The following VILL variants were observed in gnomAD, a reference collection of about 807,000 sequenced individuals.
VILL encodes the protein villin-like protein.
In VILL, 102 loss-of-function variants were observed where a neutral mutation model predicts 106.3. The observed-to-expected ratio is 0.96, with a 90% CI of 0.82 to 1.13. The LOEUF is 1.13. Among genes scored for constraint, VILL ranks in the 50% most tolerant of loss-of-function variants. VILL has a pLI of 0.00. For synonymous variants in VILL, 431 were observed against 440.3 expected, an observed-to-expected ratio of 0.98 and a Z score of 0.27; for missense variants, 1,076 against 1,116.6, an observed-to-expected ratio of 0.96 and a Z score of 0.52.
Position 37,993,732 on chromosome 3 carries a change from G to A in VILL, c.60G>A (p.Glu20=). Residue 20 remains glutamate, a splice_region_variant and synonymous_variant, in exon 2 of 20, where the codon GAG becomes GAA. Transcript: ENST00000383759. ...GAGGCCTCCACATATGGATCTCTGA[G>A]GTGAGAGGCACGACCAAATAGGAGA... ...MQGGLHIWIS[E]NRKMVPVPEG... is the part of the protein sequence containing the mutation. 6.2e-7 allele frequency: 1 copy of A among 1,614,066 alleles called. No individual in the cohort carries two copies. Among genetic ancestry groups the A allele is most frequent in the Non-Finnish European group, 8.5e-7 (1 of 1,179,984 alleles).
chr3:38,005,858 C>G lies in VILL; in HGVS notation c.2017C>G (p.Leu673Val). ...GGCGGTGGCCTGGGGCCAGGAGTAC[C>G]TGAAGACTCACCCAGCAGGGAGGAG... Reference protein sequence around the residue: ...KEAVAWGQEYLKTHPAGRSPA... With the variant: ...KEAVAWGQEYVKTHPAGRSPA... Residue 673 changes from leucine (L) to valine (V), a missense_variant, in exon 17 of 20, where the codon CTG becomes GTG. By Grantham distance (32) the Leu-to-Val change is conservative. Coordinates refer to ENST00000383759, the MANE Select transcript of VILL (RefSeq NM_015873.4). 6.2e-7 allele frequency: 1 copy of G among 1,614,076 alleles called. No individual in the cohort carries two copies. Among genetic ancestry groups the G allele is most frequent in the South Asian group, 1.1e-5 (1 of 91,078 alleles).
chr3:37,991,068 C>T (rs948924336), intron 1 of VILL: 5 of 152,266 alleles, frequency 3.3e-5, no homozygotes, highest in African/African-American at 1.2e-4. Flanking sequence ...CAGGGAAGTC[C>T]GTGGCCCACA....
In VILL at chr3:38,001,820, A is replaced by G. The variant is rs752907058; in HGVS notation, c.1439A>G (p.His480Arg). 1.1e-5 allele frequency: 18 copies of G among 1,614,148 alleles called. No individual in the cohort carries two copies. In the South Asian group the frequency reaches 1.9e-4, roughly 17 times the overall value. The change falls in exon 13 of 20, where the codon CAC becomes CGC. Residue 480 changes from histidine to arginine, a missense_variant. His to Arg is a conservative substitution (Grantham distance 29, BLOSUM62 0). Transcript: ENST00000383759. ...GTGACCATGGGCAGCGAGCCCCCCCACTTCCTCGCCATCTTCCAGGGCCAG... is the reference window on the plus strand; with the variant it reads ...GTGACCATGGGCAGCGAGCCCCCCCGCTTCCTCGCCATCTTCCAGGGCCAG... ...EHVTMGSEPP[H>R]FLAIFQGQLV...
At position 38,006,418 on chromosome 3, in the gene VILL, C is replaced by G. The variant is rs202017243; in HGVS notation, c.2206-31C>G. 2.5e-6 allele frequency: 4 copies of G among 1,579,594 alleles called. No homozygotes were observed. The Admixed American group carries it at 6.9e-5, about 27-fold the overall frequency. On this transcript the variant is annotated intron_variant, in intron 18 of 19. Coordinates refer to ENST00000383759, the MANE Select transcript of VILL (RefSeq NM_015873.4). ...TCCCTGTGGGCTACTGATTCCCCAT[C>G]TTCCCCAGCCTGAGGCTCCTCTCTG...
intron 1 of VILL, 186 bp from the exon 2 acceptor site, chr3:37,993,401 C>T (rs949350033): frequency 2.1e-6 from 1 of 479,924 alleles, no homozygotes; most frequent in Non-Finnish European, 3.8e-6. Context: ...GCTAGGGTGG[C>T]AGAGCAAGAC....
At position 38,001,488 on chromosome 3, in the gene VILL, C is replaced by G. The variant is rs199699027; in HGVS notation, c.1215C>G (p.Pro405=). 1.2e-6 allele frequency: 2 copies of G among 1,614,206 alleles called. No individual in the cohort carries two copies. The highest frequency in any genetic ancestry group is 3.3e-5 in the Admixed American group (2 of 60,024). ...VWCIQDLHRQ[P]VDPKRHGQLC... ...GCATCCAGGACTTACACAGGCAGCC[C>G]GTGGACCCCAAGCGTCATGGACAGC... is the stretch of plus-strand genomic sequence containing the variant. The change falls in exon 12 of 20, where the codon CCC becomes CCG. Residue 405 remains proline, a synonymous_variant. Transcript: ENST00000383759.
chr3:37,993,524 CTGTG>C lies in VILL; in HGVS notation c.-86-60_-86-57del, dbSNP rs1575333130. 9 of 679,312 alleles carry C rather than the reference CTGTG, an allele frequency of 1.3e-5. No individual in the cohort carries two copies. In the East Asian group the frequency reaches 2.5e-4, roughly 19 times the overall value. 42.1% of individuals were successfully genotyped at this position (679,312 alleles called of 1,614,324 possible). A position where few individuals can be genotyped will look rare whatever the true frequency, so the allele number is the denominator to read the frequency against. ...GCTGCAGAATCTGAGTCTTCATAGT[CTGTG>C]TGCTGACATTTGTGTGTTTACAGAG... is the stretch of plus-strand genomic sequence containing the variant. On this transcript the variant is annotated intron_variant, in intron 1 of 19. Transcript: ENST00000383759.
chr3:38,005,569 AAAT>A (rs946161075), intron 16 of VILL, among the ~76,000 whole-genome samples: 1 of 152,174 alleles, frequency 6.6e-6, no homozygotes, highest in Non-Finnish European at 1.5e-5. Context: ...AAGAAAAAAA[AAAT>A]GTGTGGATTG....
rs1476375285 is a variant in VILL at position 37,998,760 on chromosome 3, G to T, written c.943-152G>T. The T allele has an allele frequency of 3.7e-6, 5 of 1,352,852 alleles. No individual in the cohort carries two copies. In the East Asian group the frequency reaches 1.3e-4, roughly 36 times the overall value. The allele number at this position is 1,352,852 out of a possible 1,614,324, so 83.8% of individuals were successfully genotyped here. ...TGCCCTCAGGGACCTCAGAGAAGTCGGTGGTGACAGAGTCAATTCGCTAAG... is the reference window on the plus strand; with the variant it reads ...TGCCCTCAGGGACCTCAGAGAAGTCTGTGGTGACAGAGTCAATTCGCTAAG... On this transcript the variant is annotated intron_variant, in intron 9 of 19. Coordinates refer to ENST00000383759, the MANE Select transcript of VILL (RefSeq NM_015873.4). This position sits in a 1 kb window ranked among gnomAD's most constrained non-coding sequence, Gnocchi z 4.1.
chr3:38,003,344 C>G (rs896355973), intron 15 of VILL, 31 bp downstream of exon 15: 1 of 1,570,234 alleles, frequency 6.4e-7, no homozygotes, highest in African/African-American at 1.3e-5. Flanking sequence ...GTGTTCTTAC[C>G]CAGAGGAGGA....
At chr3:37,995,637 C>A (rs1181328183) in intron 4 of VILL, 102 bp from the exon 5 acceptor site, 1 of 905,946 alleles carries the variant, frequency 1.1e-6, no homozygotes, top group Non-Finnish European at 1.8e-6. Flanking sequence ...ATGAAGCAGG[C>A]ACATACGTGC....
In VILL at chr3:38,003,327, GA is replaced by G. The variant is rs1559367488; in HGVS notation, c.1805+15del. ...CAGCAACAAGAGGTAACAGGGTTGG[GA>G]GGAGAGTGTTCTTACCCAGAGGAGG... On this transcript the variant is annotated intron_variant, in intron 15 of 19. Transcript: ENST00000383759. 4 of 1,595,574 alleles carry G rather than the reference GA, an allele frequency of 2.5e-6. No individual in the cohort carries two copies. The highest frequency in any genetic ancestry group is 3.4e-6 in the Non-Finnish European group (4 of 1,172,392).
In VILL at chr3:38,006,409, A is replaced by G. The variant is rs1311815393; in HGVS notation, c.2206-40A>G. ...AGTGCAGCCTCCCTGTGGGCTACTGATTCCCCATCTTCCCCAGCCTGAGGC... is the reference window on the plus strand; with the variant it reads ...AGTGCAGCCTCCCTGTGGGCTACTGGTTCCCCATCTTCCCCAGCCTGAGGC... On this transcript the variant is annotated intron_variant, in intron 18 of 19. Transcript: ENST00000383759. 5 of 1,579,868 alleles carry G rather than the reference A, an allele frequency of 3.2e-6. No homozygotes were observed. The South Asian group carries it at 5.8e-5, about 18-fold the overall frequency.
At chr3:37,989,940 C>G (rs947908139), upstream of VILL, among the ~76,000 whole-genome samples, 2 of 152,232 alleles carry the variant, frequency 1.3e-5, no homozygotes, top group African/African-American at 4.8e-5. Flanking sequence ...CCCAAGTCCC[C>G]AGACCCCTGT....
Position 37,997,888 on chromosome 3 carries a change from G to A in VILL, c.765-202G>A, listed in dbSNP as rs1209468864. Among the ~76,000 whole-genome samples, 2 of 152,220 alleles carry A rather than the reference G, an allele frequency of 1.3e-5. No homozygotes were observed. Among genetic ancestry groups the A allele is most frequent in the South Asian group, 2.1e-4 (1 of 4,838 alleles). ...CTGAGAAACCTATTGTACATACAGG[G>A]GGACTGTGGCGCCCTGCCAGGGCCA... is the stretch of plus-strand genomic sequence containing the variant. On this transcript the variant is annotated intron_variant, in intron 7 of 19. Coordinates refer to ENST00000383759, the MANE Select transcript of VILL (RefSeq NM_015873.4). This position sits in a 1 kb window ranked among gnomAD's most constrained non-coding sequence, Gnocchi z 4.7.
chr3:37,997,018 G>A lies in VILL; in HGVS notation c.451-59G>A. ...TGCACACGTGACACATCCCAGCTAT[G>A]CTCCCCTCTAGCGGATGCTGGTGGT... is the stretch of plus-strand genomic sequence containing the variant. On this transcript the variant is annotated intron_variant, in intron 5 of 19. Coordinates refer to ENST00000383759, the MANE Select transcript of VILL (RefSeq NM_015873.4). The surrounding 1 kb of genome is among the most constrained non-coding windows in gnomAD (Gnocchi z 4.7). The A allele has an allele frequency of 1.3e-6, 2 of 1,488,806 alleles. No individual in the cohort carries two copies. Among genetic ancestry groups the A allele is most frequent in the Non-Finnish European group, 1.9e-6 (2 of 1,068,452 alleles). The allele number at this position is 1,488,806 out of a possible 1,614,324, so 92.2% of individuals were successfully genotyped here. A position where few individuals can be genotyped will look rare whatever the true frequency, so the allele number is the denominator to read the frequency against.
Position 37,993,965 on chromosome 3 carries a change from T to C in VILL, c.128T>C (p.Ile43Thr). Residue 43 changes from isoleucine (I) to threonine (T), a missense_variant, in exon 3 of 20, where the codon ATC becomes ACC. Ile to Thr is a moderately conservative substitution (Grantham distance 89, BLOSUM62 -1). Transcript: ENST00000383759. ...GNFFEEHCYV[I>T]LHVPQSPKAT... Reference sequence around the variant, plus strand: ...TTTTTTGAGGAACACTGCTATGTCATCCTCCACGTGAGTCGCTTGGGGAAG... The same window carrying C: ...TTTTTTGAGGAACACTGCTATGTCACCCTCCACGTGAGTCGCTTGGGGAAG... The C allele has an allele frequency of 6.2e-7, 1 of 1,614,124 alleles. No homozygotes were observed. The highest frequency in any genetic ancestry group is 8.5e-7 in the Non-Finnish European group (1 of 1,180,004).
rs533388452 is a variant in VILL, at chr3:38,006,343, G to A, written c.2205+91G>A. On this transcript the variant is annotated intron_variant, in intron 18 of 19. Transcript: ENST00000383759. ...CAGGGGAAGTGCCAGGCCCTTGTAA[G>A]TGGGAGGGGCTGCAGTTGGAGGTAA... The A allele has an allele frequency of 5.0e-5, 81 of 1,605,558 alleles. No homozygotes were observed. The African/African-American group carries it at 9.2e-4, about 18-fold the overall frequency.
chr3:37,989,718 C>T (rs1699587585), upstream of VILL, among the ~76,000 whole-genome samples: 1 of 152,158 alleles, frequency 6.6e-6, no homozygotes, highest in Non-Finnish European at 1.5e-5. Context: ...CTGCCACTGT[C>T]ACAGACAGGG....
Sources: allele counts gnomAD v4.1 joint callset (sites outside exome capture counted in the v4.1 genomes callset), GRCh38; gene constraint gnomAD v4.1.1; non-coding constraint Gnocchi (gnomAD v3.1); transcripts MANE v1.5; gene names NCBI Gene and HGNC (gene_info 2026-07-23, HGNC 2026-07-21).